The following CARMIL1 variants were observed in gnomAD, a reference collection of about 807,000 sequenced individuals.
CARMIL1 encodes capping protein regulator and myosin 1 linker 1, also known as F-actin-uncapping protein LRRC16A.
CARMIL1 carries 90 observed loss-of-function variants against 177.1 expected under a neutral mutation model. The ratio of observed to expected loss-of-function variants is 0.51; its 90% CI spans 0.43 to 0.61. The LOEUF (loss-of-function observed/expected upper bound fraction) is 0.61. CARMIL1 is among the 20% of genes least tolerant of loss of function. The pLI is 0.00. For missense variants in CARMIL1, 1,380 were observed against 1,667.0 expected (o/e 0.83, Z 3.00); for synonymous variants, 577 against 606.2 (o/e 0.95, Z 0.71).
chr6:25,454,914 G>T (rs1799351901), intron 8 of CARMIL1, among the ~76,000 whole-genome samples: 1 of 152,124 alleles, frequency 6.6e-6, no homozygotes, highest in Non-Finnish European at 1.5e-5. Flanking sequence ...ACCTCTACTG[G>T]TATTTTCCTC....
intron 2 of CARMIL1, among the ~76,000 whole-genome samples, chr6:25,367,289 A>G (rs559985207): frequency 6.6e-6 from 1 of 152,256 alleles, no homozygotes; most frequent in African/African-American, 2.4e-5. Context: ...GGGTATCCCT[A>G]TAGATGCTGG....
At chr6:25,582,913 T>C (rs996251896) in intron 31 of CARMIL1, among the ~76,000 whole-genome samples, 1 of 152,172 alleles carries the variant, frequency 6.6e-6, no homozygotes, top group Non-Finnish European at 1.5e-5. Flanking sequence ...CCTGGCTTCA[T>C]TGTGGACAAA....
At chr6:25,477,474 C>G (rs1801681309) in intron 11 of CARMIL1, among the ~76,000 whole-genome samples, 1 of 152,162 alleles carries the variant, frequency 6.6e-6, no homozygotes, top group South Asian at 2.1e-4. Flanking sequence ...ACAGACCACA[C>G]ACATACACAA....
At chr6:25,312,441 G>A (rs1240864272) in intron 2 of CARMIL1, among the ~76,000 whole-genome samples, 2 of 152,100 alleles carry the variant, frequency 1.3e-5, no homozygotes, top group Non-Finnish European at 2.9e-5. Flanking sequence ...AAATAGCCAG[G>A]ATGATTGCAA....
At chr6:25,580,124 C>T (rs187771224) in intron 29 of CARMIL1, among the ~76,000 whole-genome samples, 10 of 152,282 alleles carry the variant, frequency 6.6e-5, no homozygotes, top group African/African-American at 2.2e-4. Flanking sequence ...TGGCTCTGCT[C>T]CTTCTGACAC....
intron 2 of CARMIL1, among the ~76,000 whole-genome samples, chr6:25,416,140 G>A (rs1351860699): frequency 6.6e-6 from 1 of 152,134 alleles, no homozygotes; most frequent in African/African-American, 2.4e-5. Context: ...AAGGAGACAC[G>A]CAGACCAGTA....
chr6:25,526,970 A>G (rs1479040664), intron 23 of CARMIL1, among the ~76,000 whole-genome samples: 3 of 152,172 alleles, frequency 2.0e-5, no homozygotes, highest in African/African-American at 7.2e-5. Context: ...TGAAGAAAAA[A>G]ATACTGTGAT....
chr6:25,291,551 C>G (rs1225185222), intron 2 of CARMIL1, among the ~76,000 whole-genome samples: 1 of 152,176 alleles, frequency 6.6e-6, no homozygotes, highest in African/African-American at 2.4e-5. Context: ...GCCATAGTCA[C>G]TTTTCAGACG....
chr6:25,497,222 A>G (rs962031344), intron 16 of CARMIL1, among the ~76,000 whole-genome samples: 3 of 152,174 alleles, frequency 2.0e-5, no homozygotes, highest in African/African-American at 7.2e-5. Flanking sequence ...GGTGAGGATG[A>G]AAAGGAATTT....
intron 2 of CARMIL1, among the ~76,000 whole-genome samples, chr6:25,415,975 G>A (rs2150668924): frequency 6.6e-6 from 1 of 152,058 alleles, no homozygotes; most frequent in East Asian, 1.9e-4. Flanking sequence ...AGCAGAGAGA[G>A]GGGTCAGAGG....
chr6:25,606,302 T>G, intron 35 of CARMIL1, 29 bp downstream of exon 35: 1 of 1,601,418 alleles, frequency 6.2e-7, no homozygotes, highest in Non-Finnish European at 8.5e-7. Context: ...GGGAGTTGCA[T>G]TGTGACCAGG....
intron 2 of CARMIL1, among the ~76,000 whole-genome samples, chr6:25,333,387 A>G (rs1288096247): frequency 6.6e-6 from 1 of 151,808 alleles, no homozygotes; most frequent in Non-Finnish European, 1.5e-5. Flanking sequence ...ACATCACAAG[A>G]CCCCTTCTCT....
chr6:25,501,436 A>G (rs1804324072), intron 17 of CARMIL1, among the ~76,000 whole-genome samples: 1 of 152,202 alleles, frequency 6.6e-6, no homozygotes, highest in Admixed American at 6.5e-5. Flanking sequence ...CTGTGCCTGC[A>G]AAATGGAGAT....
intron 36 of CARMIL1, among the ~76,000 whole-genome samples, 159 bp downstream of exon 36, chr6:25,610,340 C>G (rs1816403929): frequency 6.6e-6 from 1 of 152,128 alleles, no homozygotes; most frequent in African/African-American, 2.4e-5. Flanking sequence ...TTTCTTAGTT[C>G]AGAAACTTGA....
At chr6:25,359,691 G>A (rs1788988912) in intron 2 of CARMIL1, among the ~76,000 whole-genome samples, 1 of 152,202 alleles carries the variant, frequency 6.6e-6, no homozygotes, top group Admixed American at 6.5e-5. Flanking sequence ...AAACTGAAAT[G>A]GGAATCATTT....
At chr6:25,307,195 G>A (rs1215810155) in intron 2 of CARMIL1, among the ~76,000 whole-genome samples, 1 of 152,156 alleles carries the variant, frequency 6.6e-6, no homozygotes, top group Non-Finnish European at 1.5e-5. Context: ...TGGTCCTTTT[G>A]AAACTGGGCA....
At chr6:25,456,604 G>C (rs1366100046) in intron 8 of CARMIL1, among the ~76,000 whole-genome samples, 1 of 152,184 alleles carries the variant, frequency 6.6e-6, no homozygotes, top group Non-Finnish European at 1.5e-5. Context: ...TCGAAGGTCT[G>C]TGAGCTGACA....
In CARMIL1 at chr6:25,437,827, C is replaced by G. The variant is rs141344462; in HGVS notation, c.371+2223C>G. Among the ~76,000 whole-genome samples, 21 of 152,300 alleles carry G rather than the reference C, an allele frequency of 1.4e-4. 2 individuals are homozygous for G. In the South Asian group the frequency reaches 1.4e-3, roughly 11 times the overall value. On this transcript the variant is annotated intron_variant, in intron 5 of 36. Coordinates refer to ENST00000329474, the MANE Select transcript of CARMIL1 (RefSeq NM_017640.6). Reference sequence around the variant, plus strand: ...TTTTAAAAATATTATCTTAATATCTCGTGGTCTGGTTCTTTCTCCTTGTTT... The same window carrying G: ...TTTTAAAAATATTATCTTAATATCTGGTGGTCTGGTTCTTTCTCCTTGTTT...
chr6:25,554,081 T>G lies in CARMIL1; in HGVS notation c.2577T>G (p.His859Gln). ...IVDEILDALS[H>Q]CHHKLADHFS... ...ATGAAATCCTGGATGCACTCTCACA[T>G]TGCCATCATAAACTGGTGAGTGCTG... The change falls in exon 28 of 37, where the codon CAT becomes CAG. Residue 859 changes from histidine to glutamine, a missense_variant. Coordinates refer to ENST00000329474, the MANE Select transcript of CARMIL1 (RefSeq NM_017640.6). The surrounding 1 kb of genome is among the most constrained non-coding windows in gnomAD (Gnocchi z 4.6). 6.3e-7 allele frequency: 1 copy of G among 1,594,210 alleles called. No individual in the cohort carries two copies. The highest frequency in any genetic ancestry group is 8.5e-7 in the Non-Finnish European group (1 of 1,169,674).
Sources: gnomAD v4.1 joint callset for allele counts (sites outside exome capture counted in the v4.1 genomes callset) on GRCh38, gnomAD v4.1.1 for gene constraint, Gnocchi (gnomAD v3.1) non-coding constraint, MANE v1.5 for transcripts, NCBI Gene and HGNC (gene_info 2026-07-23, HGNC 2026-07-21) for gene names.